Variants in NRXN3 observed in about 807,000 individuals in gnomAD.
NRXN3 encodes neurexin III.
A neutral mutation model predicts 137.6 loss-of-function variants in NRXN3; 32 were observed. The ratio of observed to expected loss-of-function variants is 0.23; its 90% confidence interval spans 0.18 to 0.31. NRXN3 has a LOEUF of 0.31. Among genes scored for constraint, NRXN3 ranks in the 10% least tolerant of loss-of-function variants. NRXN3 has a pLI of 1.00. For synonymous variants in NRXN3, 798 were observed against 784.5 expected (o/e 1.02, Z -0.29); for missense variants, 1,574 against 2,062.5 (o/e 0.76, Z 4.59).
intron 20 of NRXN3, among the ~76,000 whole-genome samples, chr14:79,815,232 G>A (rs926790746): frequency 6.6e-6 from 1 of 152,252 alleles, no homozygotes; most frequent in African/African-American, 2.4e-5. Flanking sequence ...AGTTGGATAC[G>A]AACAGCATGA....
intron 4 of NRXN3, among the ~76,000 whole-genome samples, chr14:78,307,523 T>C (rs558616344): frequency 6.6e-6 from 1 of 152,198 alleles, no homozygotes; most frequent in South Asian, 2.1e-4. Context: ...AAAAATATTG[T>C]CCTCTTGTGA....
intron 2 of NRXN3, among the ~76,000 whole-genome samples, chr14:78,252,210 C>A (rs78525234): frequency 0.01 from 1,564 of 150,706 alleles, 32 homozygotes; most frequent in African/African-American, 0.036. Context: ...TAAAAGCAAG[C>A]TGACCTCATA....
chr14:79,351,740 T>C (rs1325026986), intron 15 of NRXN3, among the ~76,000 whole-genome samples: 1 of 152,202 alleles, frequency 6.6e-6, no homozygotes, highest in Admixed American at 6.5e-5. Flanking sequence ...AAATCACAGT[T>C]TATCTAAGGT....
intron 4 of NRXN3, among the ~76,000 whole-genome samples, chr14:78,579,868 A>G (rs1485364062): frequency 6.6e-6 from 1 of 152,202 alleles, no homozygotes; most frequent in African/African-American, 2.4e-5. Flanking sequence ...CCTGTTTGTC[A>G]AAAAGTTATT....
chr14:79,832,569 C>T (rs1431676278), intron 20 of NRXN3, among the ~76,000 whole-genome samples: 1 of 152,246 alleles, frequency 6.6e-6, no homozygotes, highest in East Asian at 1.9e-4. Context: ...ATGCTAACGG[C>T]ATCTAGTGGG....
At chr14:78,699,272 G>A (rs1350652990) in intron 6 of NRXN3, among the ~76,000 whole-genome samples, 1 of 152,144 alleles carries the variant, frequency 6.6e-6, no homozygotes, top group Non-Finnish European at 1.5e-5. Context: ...TGCTTCAAGT[G>A]GCGAATAGTA....
intron 11 of NRXN3, among the ~76,000 whole-genome samples, chr14:78,958,668 C>G (rs2152971672): frequency 6.6e-6 from 1 of 152,294 alleles, no homozygotes; most frequent in Admixed American, 6.5e-5. Context: ...CATGCTATAT[C>G]TTATAAGTCT....
At chr14:78,409,662 G>A (rs1487254428) in intron 4 of NRXN3, among the ~76,000 whole-genome samples, 1 of 152,200 alleles carries the variant, frequency 6.6e-6, no homozygotes, top group Non-Finnish European at 1.5e-5. Flanking sequence ...TTTTTCTCAG[G>A]TTTGGTCAAG....
intron 6 of NRXN3, among the ~76,000 whole-genome samples, chr14:78,666,595 C>G (rs1222015079): frequency 6.6e-6 from 1 of 152,080 alleles, no homozygotes; most frequent in East Asian, 1.9e-4. Flanking sequence ...TTCTCATTCC[C>G]CTTCTTCCTT....
intron 4 of NRXN3, among the ~76,000 whole-genome samples, chr14:78,592,620 C>T (rs1039208613): frequency 3.3e-5 from 5 of 152,198 alleles, no homozygotes; most frequent in African/African-American, 1.2e-4. Flanking sequence ...CCCTTTGACA[C>T]TGTAGGCCAC....
chr14:78,838,241 A>G (rs2099002403), intron 10 of NRXN3, among the ~76,000 whole-genome samples: 1 of 152,196 alleles, frequency 6.6e-6, no homozygotes, highest in South Asian at 2.1e-4. Flanking sequence ...GTGCTTCAGA[A>G]AATCTATCTT....
intron 4 of NRXN3, among the ~76,000 whole-genome samples, chr14:78,621,305 T>G (rs1252377328): frequency 6.6e-6 from 1 of 152,226 alleles, no homozygotes; most frequent in African/African-American, 2.4e-5. Flanking sequence ...AATTCTGTAT[T>G]TTCCTAATTT....
Position 79,388,431 on chromosome 14 carries a change from A to G in NRXN3, c.3263-78790A>G, listed in dbSNP as rs180810024. Among the ~76,000 whole-genome samples, 7 of 151,924 alleles carry G rather than the reference A, an allele frequency of 4.6e-5. No homozygotes were observed. The East Asian group carries it at 1.4e-3, about 30-fold the overall frequency. On this transcript the variant is annotated intron_variant, in intron 15 of 20. Transcript: ENST00000335750. ...TACTATTAGCAGATGATTTGTGCGTATGTCTTGCCCTGTTCAGCTTTGAGG... is the reference window on the plus strand; with the variant it reads ...TACTATTAGCAGATGATTTGTGCGTGTGTCTTGCCCTGTTCAGCTTTGAGG...
intron 15 of NRXN3, among the ~76,000 whole-genome samples, chr14:79,041,039 G>T (rs1387605388): frequency 6.6e-6 from 1 of 152,096 alleles, no homozygotes; most frequent in Admixed American, 6.6e-5. Context: ...CTAACTGCCT[G>T]CCTGACCACT....
chr14:79,362,256 C>T (rs2093711402), intron 15 of NRXN3, among the ~76,000 whole-genome samples: 1 of 151,742 alleles, frequency 6.6e-6, no homozygotes, highest in Non-Finnish European at 1.5e-5. Context: ...CCCATTAACT[C>T]GTCATTTACA....
At position 79,818,295 on chromosome 14, in the gene NRXN3, C is replaced by T. The variant is rs188175344; in HGVS notation, c.4093+13105C>T. ...GTCATGATCTCCTGACCTCGTGATC[C>T]GCCCGCCTCGGCCTCCCAAAGTGCT... On this transcript the variant is annotated intron_variant, in intron 20 of 20. Transcript: ENST00000335750. 2.5e-4 allele frequency among the ~76,000 whole-genome samples: 38 copies of T among 152,058 alleles called. No individual in the cohort carries two copies. In the South Asian group the frequency reaches 2.9e-3, roughly 12 times the overall value.
intron 16 of NRXN3, among the ~76,000 whole-genome samples, chr14:79,533,340 C>T (rs1362025594): frequency 6.6e-6 from 1 of 152,082 alleles, no homozygotes; most frequent in African/African-American, 2.4e-5. Context: ...AGGTGAAGTT[C>T]TCAGCTTGAT....
At chr14:79,380,949 G>A (rs930822964) in intron 15 of NRXN3, among the ~76,000 whole-genome samples, 2 of 152,076 alleles carry the variant, frequency 1.3e-5, no homozygotes, top group Non-Finnish European at 2.9e-5. Context: ...GGCTGGAAGT[G>A]TGGGGAGAAG....
chr14:78,412,711 G>T (rs184167405), intron 4 of NRXN3, among the ~76,000 whole-genome samples: 2 of 152,144 alleles, frequency 1.3e-5, no homozygotes, highest in African/African-American at 4.8e-5. Flanking sequence ...CTGCTCACCC[G>T]ACTCCATAGA....
Sources: allele counts gnomAD v4.1 joint callset (sites outside exome capture counted in the v4.1 genomes callset), GRCh38; gene constraint gnomAD v4.1.1; transcripts MANE v1.5; gene names NCBI Gene and HGNC (gene_info 2026-07-23, HGNC 2026-07-21).